IL15: variants seen among roughly 807,000 people sequenced by gnomAD.
IL15 encodes interleukin-15.
In IL15, 11 loss-of-function variants were observed where a neutral mutation model predicts 19.6. The observed-to-expected ratio is 0.56, with a 90% CI of 0.35 to 0.93. IL15 has a LOEUF of 0.93. Among genes scored for constraint, IL15 ranks in the 40% least tolerant of loss-of-function variants. The pLI is 0.01. For synonymous variants in IL15, 58 were observed against 59.6 expected, an observed-to-expected ratio of 0.97 and a Z score of 0.12; for missense variants, 197 against 186.5, an observed-to-expected ratio of 1.06 and a Z score of -0.33.
At chr4:141,638,619 A>G (rs1006255757) in intron 1 of IL15, among the ~76,000 whole-genome samples, 8 of 152,222 alleles carry the variant, frequency 5.3e-5, no homozygotes, top group African/African-American at 1.9e-4. Flanking sequence ...GTCAACAGCT[A>G]TATTGCAAGG....
chr4:141,638,294 G>A (rs1028962972), intron 1 of IL15, among the ~76,000 whole-genome samples: 1 of 152,174 alleles, frequency 6.6e-6, no homozygotes, highest in Non-Finnish European at 1.5e-5. Context: ...GAGATCTTAA[G>A]GTTTGTTATG....
Position 141,688,994 on chromosome 4 carries a change from C to G in IL15, c.-99-30372C>G, listed in dbSNP as rs186561747. 578 of 152,616 alleles carry G rather than the reference C, an allele frequency of 3.8e-3. 4 individuals are homozygous for G. Among genetic ancestry groups the G allele is most frequent in the Non-Finnish European group, 5.9e-3 (409 of 69,002 alleles). The allele number at this position is 152,616 out of a possible 1,614,324, so 9.5% of individuals were successfully genotyped here. On this transcript the variant is annotated intron_variant, in intron 2 of 7. Coordinates refer to ENST00000320650, the MANE Select transcript of IL15 (RefSeq NM_000585.5). The stretch of plus-strand genomic sequence containing the variant: ...CGGAGTTTCTTCCTTCTGGTGGGTT[C>G]GTGGTCTCGCTGGCTCAGGAGTGAA...
chr4:141,722,442 A>G (rs910550557), intron 5 of IL15, among the ~76,000 whole-genome samples: 1 of 152,188 alleles, frequency 6.6e-6, no homozygotes, highest in African/African-American at 2.4e-5. Flanking sequence ...TCTCGATGGC[A>G]CCAAGCATAC....
intron 2 of IL15, among the ~76,000 whole-genome samples, chr4:141,696,485 C>T (rs1729100080): frequency 6.6e-6 from 1 of 151,916 alleles, no homozygotes; most frequent in South Asian, 2.1e-4. Context: ...TATTTTGATA[C>T]GTATTCCATT....
At chr4:141,659,144 C>A (rs372099027) in intron 2 of IL15, among the ~76,000 whole-genome samples, 1 of 149,484 alleles carries the variant, frequency 6.7e-6, no homozygotes, top group Non-Finnish European at 1.5e-5. Context: ...CCACTGTCCC[C>A]GGCCTGTTTT....
At chr4:141,661,146 G>A (rs1265334247) in intron 2 of IL15, among the ~76,000 whole-genome samples, 2 of 152,120 alleles carry the variant, frequency 1.3e-5, no homozygotes, top group African/African-American at 2.4e-5. Flanking sequence ...AATCCAGAAC[G>A]TGTTACTGTA....
At chr4:141,707,230 C>A (rs1201516779) in intron 2 of IL15, among the ~76,000 whole-genome samples, 1 of 151,950 alleles carries the variant, frequency 6.6e-6, no homozygotes, top group African/African-American at 2.4e-5. Context: ...TTTCATTTAT[C>A]AAATTTTTCA....
chr4:141,688,821 G>A (rs756821520), intron 2 of IL15: 9 of 157,006 alleles, frequency 5.7e-5, no homozygotes, highest in Non-Finnish European at 1.2e-4. Context: ...CTTGTTTACA[G>A]TTTCAACTAG....
chr4:141,694,612 C>T lies in IL15; in HGVS notation c.-99-24754C>T, dbSNP rs79791074. Among the ~76,000 whole-genome samples the T allele has an allele frequency of 4.7e-3, 713 of 152,216 alleles. 10 individuals carry two copies. Among genetic ancestry groups the T allele is most frequent in the African/African-American group, 0.016 (675 of 41,538 alleles). On this transcript the variant is annotated intron_variant, in intron 2 of 7. Transcript: ENST00000320650. ...GAAGCCCAGGGCTCAATTCTTAGAC[C>T]GTCTTTTTCCTCCTTCCTTTGCTAG...
intron 1 of IL15, among the ~76,000 whole-genome samples, chr4:141,648,982 T>G (rs567169412): frequency 6.6e-6 from 1 of 152,244 alleles, no homozygotes; most frequent in Non-Finnish European, 1.5e-5. Flanking sequence ...TTTGATTCTC[T>G]TTAGGAACTT....
chr4:141,700,976 T>C (rs1729277725), intron 2 of IL15, among the ~76,000 whole-genome samples: 1 of 152,218 alleles, frequency 6.6e-6, no homozygotes, highest in Non-Finnish European at 1.5e-5. Context: ...AGTTCTGATT[T>C]TTTTAATGAT....
chr4:141,707,477 G>T (rs556419067), intron 2 of IL15, among the ~76,000 whole-genome samples: 33 of 152,050 alleles, frequency 2.2e-4, no homozygotes, highest in Non-Finnish European at 4.7e-4. Context: ...TATTTCCTTT[G>T]TCTCTGCATT....
Position 141,719,481 on chromosome 4 carries a change from G to GA in IL15, c.12+13dup, listed in dbSNP as rs756413449. On this transcript the variant is annotated splice_donor_region_variant and intron_variant, in intron 3 of 7. Coordinates refer to ENST00000320650, the MANE Select transcript of IL15 (RefSeq NM_000585.5). The stretch of plus-strand genomic sequence containing the variant: ...CTTTGAGTAATGAGAATTTCGGTAA[G>GA]AAAAAAAATAGATGAAAATATCCTA... The GA allele has an allele frequency of 7.5e-5, 88 of 1,171,282 alleles. No homozygotes were observed. The highest frequency in any genetic ancestry group is 2.6e-4 in the East Asian group (11 of 42,190). 72.6% of individuals were successfully genotyped at this position (1,171,282 alleles called of 1,614,324 possible).
intron 2 of IL15, among the ~76,000 whole-genome samples, chr4:141,712,160 C>T (rs1308611754): frequency 6.6e-6 from 1 of 152,068 alleles, no homozygotes; most frequent in Non-Finnish European, 1.5e-5. Flanking sequence ...CTTTTGGATA[C>T]TATGTTGGAA....
chr4:141,647,294 T>A (rs1727258089), intron 1 of IL15, among the ~76,000 whole-genome samples: 1 of 151,954 alleles, frequency 6.6e-6, no homozygotes, highest in African/African-American at 2.4e-5. Context: ...AGCTAACACA[T>A]GGGGCAAGGT....
At chr4:141,668,895 G>A (rs1302630530) in intron 2 of IL15, among the ~76,000 whole-genome samples, 1 of 152,102 alleles carries the variant, frequency 6.6e-6, no homozygotes, top group Non-Finnish European at 1.5e-5. Context: ...GCCTAACTTC[G>A]TGCTAAAAAC....
chr4:141,723,463 G>A (rs1730159438), intron 5 of IL15, among the ~76,000 whole-genome samples: 1 of 152,254 alleles, frequency 6.6e-6, no homozygotes, highest in East Asian at 1.9e-4. Context: ...AGATTGCCAG[G>A]ATCCACCAGA....
At chr4:141,692,104 C>T (rs909319224) in intron 2 of IL15, among the ~76,000 whole-genome samples, 1 of 152,240 alleles carries the variant, frequency 6.6e-6, no homozygotes, top group Non-Finnish European at 1.5e-5. Flanking sequence ...GTGGAAACCA[C>T]CAAGGCTTGG....
chr4:141,701,487 T>C (rs1729312127), intron 2 of IL15, among the ~76,000 whole-genome samples: 1 of 152,190 alleles, frequency 6.6e-6, no homozygotes, highest in Non-Finnish European at 1.5e-5. Context: ...CTGTCTCCTA[T>C]GGAGTTGGAA....
Sources: allele counts gnomAD v4.1 joint callset (sites outside exome capture counted in the v4.1 genomes callset), GRCh38; gene constraint gnomAD v4.1.1; transcripts MANE v1.5; gene names NCBI Gene and HGNC (gene_info 2026-07-23, HGNC 2026-07-21).